MYCBPAP: variants seen among roughly 807,000 people sequenced by gnomAD.
MYCBPAP encodes the protein MYCBP associated protein.
In MYCBPAP, 60 loss-of-function variants were observed where a neutral mutation model predicts 106.1. That is an observed-to-expected ratio of 0.57 (90% CI 0.46 to 0.70). The LOEUF is 0.70. Among genes scored for constraint, MYCBPAP ranks in the 30% least tolerant of loss-of-function variants. The pLI, the probability that MYCBPAP is intolerant of heterozygous loss-of-function variation, is 0.00. For missense variants in MYCBPAP, 1,064 were observed against 1,169.3 expected (o/e 0.91, Z 1.31); for synonymous variants, 407 against 440.6 (o/e 0.92, Z 0.95).
At position 50,525,006 on chromosome 17, in the gene MYCBPAP, C is replaced by G. The variant is rs772151350; in HGVS notation, c.1765C>G (p.Arg589Gly). 6.2e-7 allele frequency: 1 copy of G among 1,613,268 alleles called. No individual in the cohort carries two copies. Among genetic ancestry groups the G allele is most frequent in the South Asian group, 1.1e-5 (1 of 91,040 alleles). ...DAYLTEEDLF[R>G]HRNPPLHYEH... is the part of the protein sequence containing the mutation. ...CTATCTCACCGAGGAAGACTTGTTCCGGCACAGAAATCCTCCGGTGAGGCC... is the reference window on the plus strand; with the variant it reads ...CTATCTCACCGAGGAAGACTTGTTCGGGCACAGAAATCCTCCGGTGAGGCC... Residue 589 changes from arginine to glycine, a missense_variant, in exon 13 of 19, where the codon CGG (arginine) becomes GGG (glycine). Physicochemically the swap from Arg to Gly is moderately radical, Grantham distance 125. Transcript: ENST00000323776.
intron 13 of MYCBPAP, 31 bp from the exon 14 acceptor site, chr17:50,525,850 C>T (rs751674539): frequency 1.3e-6 from 2 of 1,555,066 alleles, no homozygotes; most frequent in South Asian, 1.2e-5. Flanking sequence ...CCCAGCCTCC[C>T]CCTCACATGC....
intron 1 of MYCBPAP, chr17:50,509,031 C>T: frequency 1.4e-6 from 1 of 702,888 alleles, no homozygotes; most frequent in Non-Finnish European, 2.6e-6. Context: ...CTACCTCTAA[C>T]CACATCTTAG....
At chr17:50,510,457 A>C (rs1249285703) in intron 1 of MYCBPAP, 2 of 131,056 alleles carry the variant, frequency 1.5e-5, no homozygotes, top group African/African-American at 5.7e-5. Flanking sequence ...TATATATATT[A>C]TGTATATGTG....
chr17:50,512,657 C>T (rs2033897034), intron 1 of MYCBPAP, among the ~76,000 whole-genome samples: 1 of 152,156 alleles, frequency 6.6e-6, no homozygotes, highest in African/African-American at 2.4e-5. Flanking sequence ...GGTGTGTGTT[C>T]CTGTCACATT....
At chr17:50,517,143 G>T (rs1014807502) in intron 2 of MYCBPAP, 150 bp from the exon 3 acceptor site, 21 of 717,946 alleles carry the variant, frequency 2.9e-5, no homozygotes, top group Non-Finnish European at 4.0e-5. Flanking sequence ...TGTTACACAG[G>T]CATTTCCTTG....
chr17:50,524,143 C>T (rs1258741888), intron 12 of MYCBPAP, among the ~76,000 whole-genome samples: 1 of 152,164 alleles, frequency 6.6e-6, no homozygotes, highest in Non-Finnish European at 1.5e-5. Context: ...TGCATTTAAG[C>T]GACAAGACTT....
rs745496616 is a variant in MYCBPAP, at chr17:50,518,655, C to T, written c.583C>T (p.Gln195Ter). 3 of 1,608,174 alleles carry T rather than the reference C, an allele frequency of 1.9e-6. No individual in the cohort carries two copies. The highest frequency in any genetic ancestry group is 2.5e-6 in the Non-Finnish European group (3 of 1,178,278). Residue 195 changes from glutamine (Q) to a stop codon, truncating the protein, a stop_gained, in exon 5 of 19, where the codon CAG becomes TAG. Transcript: ENST00000323776. LOFTEE classifies it high-confidence loss of function. ...EKRPPWAPPPQHNFLKNWQRN... is the reference protein window; with the variant it reads ...EKRPPWAPPP ...GAGACCTCCCTGGGCCCCACCTCCT[C>T]AGCACAACTTTCTGAAAAACTGGCA...
chr17:50,528,104 C>G (rs761238471), intron 15 of MYCBPAP, 51 bp from the exon 16 acceptor site: 13 of 1,527,250 alleles, frequency 8.5e-6, no homozygotes, highest in Non-Finnish European at 9.9e-6. Context: ...TCTGCAGGTT[C>G]AAGGACAAAT....
rs374540177 is a variant in MYCBPAP at position 50,512,852 on chromosome 17, TC to T, written c.77-3717del. 7.1e-4 allele frequency among the ~76,000 whole-genome samples: 108 copies of T among 152,288 alleles called. 1 individual carries two copies. The East Asian group carries it at 0.02, about 28-fold the overall frequency. On this transcript the variant is annotated intron_variant, in intron 1 of 18. Transcript: ENST00000323776. ...ACTTTGGGAGGCCGAGGTGGGCAGATCACCTGAGGTCAGGAGTTTGAGACCA... is the reference window on the plus strand; with the variant it reads ...ACTTTGGGAGGCCGAGGTGGGCAGATACCTGAGGTCAGGAGTTTGAGACCA...
intron 3 of MYCBPAP, 26 bp from the exon 4 acceptor site, chr17:50,517,569 T>A (rs375194035): frequency 1.9e-6 from 3 of 1,613,782 alleles, no homozygotes; most frequent in Non-Finnish European, 1.7e-6. Context: ...ACAGCTTCTT[T>A]CCCCTTTCTT....
chr17:50,511,210 A>G lies in MYCBPAP; in HGVS notation c.76+2460A>G, dbSNP rs187643399. Among the ~76,000 whole-genome samples the G allele has an allele frequency of 9.2e-5, 14 of 152,176 alleles. No individual in the cohort carries two copies. In the East Asian group the frequency reaches 2.7e-3, roughly 29 times the overall value. Reference sequence around the variant, plus strand: ...TTGTAACCTTGTGCGATGTTTCTCCAAAGTCTCTGACTCATAAGCAAAAAG... The same window carrying G: ...TTGTAACCTTGTGCGATGTTTCTCCGAAGTCTCTGACTCATAAGCAAAAAG... On this transcript the variant is annotated intron_variant, in intron 1 of 18. Transcript: ENST00000323776.
intron 18 of MYCBPAP, 59 bp from the exon 19 acceptor site, chr17:50,531,268 C>G: frequency 8.9e-7 from 1 of 1,123,176 alleles, no homozygotes; most frequent in East Asian, 2.6e-5. Context: ...CAGCATAGTT[C>G]ATATATAGGT....
intron 6 of MYCBPAP, 133 bp downstream of exon 6, chr17:50,519,222 A>G: frequency 1.6e-6 from 1 of 639,238 alleles, no homozygotes; most frequent in East Asian, 2.8e-5. Context: ...ATTGCAAAAC[A>G]TCATTAGGCC....
At position 50,518,690 on chromosome 17, in the gene MYCBPAP, A is replaced by T; in HGVS notation, c.618A>T (p.Thr206=). The T allele has an allele frequency of 1.3e-6, 2 of 1,597,938 alleles. No individual in the cohort carries two copies. Among genetic ancestry groups the T allele is most frequent in the Non-Finnish European group, 1.7e-6 (2 of 1,174,060 alleles). The change falls in exon 5 of 19, where the codon ACA becomes ACT. Residue 206 remains threonine (T), a synonymous_variant. Coordinates refer to ENST00000323776, the MANE Select transcript of MYCBPAP (RefSeq NM_032133.6). ...HNFLKNWQRN[T]ALRKKQQEAL... is the part of the protein sequence containing the mutation. ...TTCTGAAAAACTGGCAGCGTAACACAGCCCTGCGGAAGAAGCAGCAGGAAG... is the reference window on the plus strand; with the variant it reads ...TTCTGAAAAACTGGCAGCGTAACACTGCCCTGCGGAAGAAGCAGCAGGAAG...
chr17:50,522,839 T>G, intron 10 of MYCBPAP, 100 bp from the exon 11 acceptor site: 1 of 1,194,120 alleles, frequency 8.4e-7, no homozygotes, highest in African/African-American at 1.5e-5. Flanking sequence ...ACACGAGACT[T>G]GCAGTGCTAA....
In MYCBPAP at chr17:50,508,739, A is replaced by T. The variant is rs771967879; in HGVS notation, c.65A>T (p.Glu22Val). The T allele has an allele frequency of 2.2e-5, 35 of 1,610,260 alleles. No individual in the cohort carries two copies. Among genetic ancestry groups the T allele is most frequent in the Non-Finnish European group, 3.0e-5 (35 of 1,178,082 alleles). ...CCGACCAGATTATTAGAGGCCTCAG[A>T]GAATGTCAAAGGTTGGCGCTGGCTG... Reference protein sequence around the residue: ...ITPTRLLEASENVKEKKRAKG... With the variant: ...ITPTRLLEASVNVKEKKRAKG... The change falls in exon 1 of 19, where the codon GAG becomes GTG. Residue 22 changes from glutamate to valine, a missense_variant. Transcript: ENST00000323776.
intron 14 of MYCBPAP, 40 bp downstream of exon 14, chr17:50,526,307 C>T (rs1255514029): frequency 6.5e-7 from 1 of 1,534,020 alleles, no homozygotes; most frequent in South Asian, 1.3e-5. Context: ...AGAGAATATT[C>T]CTGCCTCGAA....
chr17:50,522,463 C>A (rs146124227), intron 10 of MYCBPAP: 229 of 168,716 alleles, frequency 1.4e-3, no homozygotes, highest in African/African-American at 5.2e-3. Context: ...GGGAGGCTGA[C>A]GTGGGTGGAT....
At chr17:50,521,723 G>C (rs1352160245) in intron 9 of MYCBPAP, among the ~76,000 whole-genome samples, 1 of 152,214 alleles carries the variant, frequency 6.6e-6, no homozygotes, top group Non-Finnish European at 1.5e-5. Flanking sequence ...CTCTGGCATG[G>C]AGAGTCTGTG....
Sources: gnomAD v4.1 joint callset for allele counts (sites outside exome capture counted in the v4.1 genomes callset) on GRCh38, gnomAD v4.1.1 for gene constraint, MANE v1.5 for transcripts, NCBI Gene and HGNC (gene_info 2026-07-23, HGNC 2026-07-21) for gene names.